Variants in PDE10A observed in about 807,000 individuals in gnomAD.
PDE10A encodes phosphodiesterase 10A, also known as cAMP and cAMP-inhibited cGMP 3',5'-cyclic phosphodiesterase 10A.
PDE10A carries 39 observed loss-of-function variants against 97.7 expected under a neutral mutation model. The ratio of observed to expected loss-of-function variants is 0.40; its 90% CI spans 0.31 to 0.52. The LOEUF is 0.52. Ranked by LOEUF, PDE10A falls within the 20% of genes least tolerant of loss-of-function variation. PDE10A has a pLI of 0.56. For synonymous variants in PDE10A, 371 were observed against 376.8 expected, an observed-to-expected ratio of 0.98 and a Z score of 0.18; for missense variants, 731 against 1,047.8, an observed-to-expected ratio of 0.70 and a Z score of 4.17.
chr6:165,604,276 C>T (rs764034045), intron 1 of PDE10A, among the ~76,000 whole-genome samples: 2 of 152,028 alleles, frequency 1.3e-5, no homozygotes, highest in Non-Finnish European at 2.9e-5. Flanking sequence ...GATAATACGG[C>T]GCCTGGCAAA....
chr6:165,389,666 G>A (rs1785546741), intron 16 of PDE10A, among the ~76,000 whole-genome samples: 1 of 152,128 alleles, frequency 6.6e-6, no homozygotes, highest in Non-Finnish European at 1.5e-5. Flanking sequence ...TGTTTTGACA[G>A]GTAGCAGCTA....
chr6:165,660,034 G>C (rs532875559), intron 1 of PDE10A: 13 of 152,332 alleles, frequency 8.5e-5, no homozygotes, highest in African/African-American at 3.1e-4. Flanking sequence ...AAGATAGAGC[G>C]TTCTTCAACC....
At chr6:165,845,659 G>A (rs1780396395) in intron 1 of PDE10A, among the ~76,000 whole-genome samples, 1 of 152,120 alleles carries the variant, frequency 6.6e-6, no homozygotes, top group Non-Finnish European at 1.5e-5. Flanking sequence ...CTTGCTTGTG[G>A]GACATTATTT....
In PDE10A at chr6:165,691,192, TCTCTCTCTCCCCACACAC is replaced by T. The variant is rs1562687232; in HGVS notation, c.-614-147642_-614-147625del. 1.6e-3 allele frequency among the ~76,000 whole-genome samples: 79 copies of T among 48,874 alleles called. 3 individuals are homozygous for T. Among genetic ancestry groups the T allele is most frequent in the African/African-American group, 7.0e-3 (72 of 10,308 alleles). The allele number at this position is 48,874 out of a possible 152,430, so 32.1% of individuals were successfully genotyped here. A position where few individuals can be genotyped will look rare whatever the true frequency, so the allele number is the denominator to read the frequency against. ...TTCTTTCTCTCTCTCTCTCTCCCTC[TCTCTCTCTCCCCACACAC>T]ACACACACACACACACACACACACA... On this transcript the variant is annotated intron_variant, in intron 1 of 19. Coordinates refer to the PDE10A transcript ENST00000366882.
intron 18 of PDE10A, among the ~76,000 whole-genome samples, chr6:165,362,573 G>A (rs1408061530): frequency 6.6e-6 from 1 of 152,060 alleles, no homozygotes. Context: ...CAGTCAAAGG[G>A]AAAAATAACA....
intron 1 of PDE10A, among the ~76,000 whole-genome samples, chr6:165,834,548 T>G (rs1780018283): frequency 6.6e-6 from 1 of 152,222 alleles, no homozygotes; most frequent in South Asian, 2.1e-4. Flanking sequence ...AGCAGGGGCT[T>G]GGAAGGCACA....
At chr6:165,574,490 C>G (rs1173362576) in intron 1 of PDE10A, among the ~76,000 whole-genome samples, 2 of 152,174 alleles carry the variant, frequency 1.3e-5, no homozygotes, top group African/African-American at 4.8e-5. Context: ...AAGACAGAAA[C>G]TGTCTCATAA....
chr6:165,564,142 T>C (rs1784659884), intron 1 of PDE10A, among the ~76,000 whole-genome samples: 1 of 152,224 alleles, frequency 6.6e-6, no homozygotes. Context: ...ACATATCCTT[T>C]AAAATAAATA....
chr6:165,696,801 A>G (rs1038905260), intron 1 of PDE10A, among the ~76,000 whole-genome samples: 13 of 152,260 alleles, frequency 8.5e-5, no homozygotes, highest in African/African-American at 3.1e-4. Context: ...AGAAGTAAAA[A>G]AGGTAATGTT....
chr6:165,899,600 A>T (rs760918103), intron 1 of PDE10A, among the ~76,000 whole-genome samples: 2 of 152,230 alleles, frequency 1.3e-5, no homozygotes, highest in Non-Finnish European at 2.9e-5. Context: ...GGAGCAGCAC[A>T]GGCATGCTGA....
intron 1 of PDE10A, among the ~76,000 whole-genome samples, chr6:165,678,169 ATGTG>A (rs1224576535): frequency 3.6e-3 from 28 of 7,674 alleles, no homozygotes; most frequent in Non-Finnish European, 8.3e-3. Flanking sequence ...GTGTGTATGT[ATGTG>A]TGTGTCCATG....
At chr6:165,890,964 C>T (rs1879933) in intron 1 of PDE10A, among the ~76,000 whole-genome samples, 117,308 of 152,184 alleles carry the variant, frequency 0.77, 45,432 homozygotes, top group East Asian at 0.97. Flanking sequence ...TCTCAAATTC[C>T]ACAAGATAAC....
At chr6:165,479,211 C>T (rs1431831482) in intron 3 of PDE10A, among the ~76,000 whole-genome samples, 1 of 152,154 alleles carries the variant, frequency 6.6e-6, no homozygotes, top group Non-Finnish European at 1.5e-5. Flanking sequence ...TCCTAGTTCA[C>T]CATTACAACC....
chr6:165,361,467 C>T (rs926213111), intron 18 of PDE10A, among the ~76,000 whole-genome samples: 1 of 152,158 alleles, frequency 6.6e-6, no homozygotes, highest in African/African-American at 2.4e-5. Context: ...TTGTGTCCCT[C>T]AAAGAGATAT....
intron 1 of PDE10A, among the ~76,000 whole-genome samples, chr6:165,809,558 T>G (rs1021587764): frequency 1.3e-5 from 2 of 152,164 alleles, no homozygotes; most frequent in African/African-American, 4.8e-5. Context: ...GATTGCCAAT[T>G]TGCCTCTAGC....
intron 1 of PDE10A, among the ~76,000 whole-genome samples, chr6:165,721,883 A>G (rs1231547836): frequency 6.6e-6 from 1 of 152,184 alleles, no homozygotes; most frequent in Non-Finnish European, 1.5e-5. Context: ...AAGGTTCCTA[A>G]AGCTCCTAAA....
intron 1 of PDE10A, among the ~76,000 whole-genome samples, chr6:165,681,008 C>T (rs888675044): frequency 1.6e-4 from 25 of 152,296 alleles, no homozygotes; most frequent in African/African-American, 6.0e-4. Context: ...TGCTGAAGAG[C>T]CCATAATTTC....
intron 1 of PDE10A, among the ~76,000 whole-genome samples, chr6:165,831,257 A>T (rs928893604): frequency 5.4e-5 from 8 of 148,880 alleles, no homozygotes; most frequent in Non-Finnish European, 1.2e-4. Context: ...CTGCAGTCCC[A>T]GCTACTTGGG....
intron 5 of PDE10A, among the ~76,000 whole-genome samples, chr6:165,438,822 G>C (rs1187136517): frequency 6.6e-6 from 1 of 151,954 alleles, no homozygotes; most frequent in Non-Finnish European, 1.5e-5. Flanking sequence ...GCTGGGTGAG[G>C]TGGTGCATGC....
Sources: allele counts gnomAD v4.1 joint callset (sites outside exome capture counted in the v4.1 genomes callset), GRCh38; gene constraint gnomAD v4.1.1; transcripts MANE v1.5; gene names NCBI Gene and HGNC (gene_info 2026-07-23, HGNC 2026-07-21).